Variants in PICALM observed in about 807,000 individuals in gnomAD.
PICALM encodes phosphatidylinositol-binding clathrin assembly protein.
Under a neutral mutation model 80.5 loss-of-function variants are expected in PICALM, and 40 were observed. The ratio of observed to expected loss-of-function variants is 0.50; its 90% CI spans 0.39 to 0.65. The LOEUF is 0.65. PICALM is among the 30% of genes least tolerant of loss of function. The probability of loss-of-function intolerance (pLI) is 0.00; values close to 1 mark genes in which losing one functional copy is unlikely to be tolerated. For synonymous variants in PICALM, 288 were observed against 260.3 expected (o/e 1.11, Z -1.02); for missense variants, 676 against 778.9 (o/e 0.87, Z 1.57).
intron 2 of PICALM, among the ~76,000 whole-genome samples, chr11:86,026,828 T>C (rs960410300): frequency 1.4e-4 from 21 of 152,210 alleles, no homozygotes; most frequent in African/African-American, 4.3e-4. Flanking sequence ...ACATCTTATA[T>C]AGAATCAAAA....
intron 1 of PICALM, among the ~76,000 whole-genome samples, chr11:86,065,445 A>C (rs2096433961): frequency 6.8e-6 from 1 of 147,116 alleles, no homozygotes; most frequent in African/African-American, 2.4e-5. Flanking sequence ...CCGTCTCAAA[A>C]AAAAAAAAAA....
intron 1 of PICALM, among the ~76,000 whole-genome samples, chr11:86,035,165 G>A (rs76550837): frequency 0.026 from 3,916 of 151,422 alleles, 86 homozygotes; most frequent in Admixed American, 0.072. Context: ...TTAGAACTAA[G>A]CAGTTACCAA....
intron 8 of PICALM, chr11:86,007,290 T>C (rs993112866): frequency 8.3e-6 from 2 of 240,388 alleles, no homozygotes; most frequent in Admixed American, 5.5e-5. Context: ...ACAATGATGA[T>C]GGGAAAGAAA....
At chr11:85,963,920 C>CTTTTT (rs10686143) in intron 19 of PICALM, among the ~76,000 whole-genome samples, 12,174 of 72,266 alleles carry the variant, frequency 0.17, 1,295 homozygotes, top group Non-Finnish European at 0.22. Flanking sequence ...CCACACCTGG[C>CTTTTT]TTTTTTTTTT....
intron 3 of PICALM, among the ~76,000 whole-genome samples, chr11:86,024,527 T>C (rs2095619217): frequency 6.6e-6 from 1 of 151,144 alleles, no homozygotes; most frequent in African/African-American, 2.4e-5. Context: ...ACTGAAACAG[T>C]CTCAGCATCT....
intron 13 of PICALM, among the ~76,000 whole-genome samples, 185 bp from the exon 14 acceptor site, chr11:85,984,158 CATCCTACTGACAAAATT>C (rs2094517080): frequency 6.6e-6 from 1 of 152,050 alleles, no homozygotes; most frequent in African/African-American, 2.4e-5. Flanking sequence ...CTAACAAAAT[CATCCTACTGACAAAATT>C]AACAAATGAG....
At chr11:86,008,272 A>G (rs1039575607) in intron 7 of PICALM, among the ~76,000 whole-genome samples, 1 of 152,186 alleles carries the variant, frequency 6.6e-6, no homozygotes, top group Admixed American at 6.5e-5. Flanking sequence ...TTTTCTAATC[A>G]GTCTCCCTTC....
At chr11:86,046,314 G>C (rs1167487160) in intron 1 of PICALM, among the ~76,000 whole-genome samples, 1 of 152,112 alleles carries the variant, frequency 6.6e-6, no homozygotes, top group African/African-American at 2.4e-5. Flanking sequence ...AATCAAATTC[G>C]AGATTCATGA....
chr11:85,973,611 G>A (rs888366669), intron 19 of PICALM, among the ~76,000 whole-genome samples: 2 of 151,962 alleles, frequency 1.3e-5, no homozygotes, highest in South Asian at 2.1e-4. Context: ...CCCATTTTCA[G>A]GCATCCACTG....
chr11:86,065,318 C>A (rs1341472208), intron 1 of PICALM, among the ~76,000 whole-genome samples: 4 of 151,854 alleles, frequency 2.6e-5, no homozygotes, highest in Admixed American at 6.6e-5. Flanking sequence ...TGGTGGCATG[C>A]GCCTGTAGTC....
At chr11:85,960,782 G>A (rs1275841015) in intron 19 of PICALM, 3 of 1,252,026 alleles carry the variant, frequency 2.4e-6, no homozygotes, top group South Asian at 2.7e-5. Flanking sequence ...CGACAGCTGG[G>A]GGAAAAGAAG....
chr11:86,068,075 C>G (rs971676839), intron 1 of PICALM, among the ~76,000 whole-genome samples: 1 of 152,118 alleles, frequency 6.6e-6, no homozygotes, highest in African/African-American at 2.4e-5. Flanking sequence ...AAAGGTAACC[C>G]AAAAGCAGGA....
chr11:86,041,450 T>A (rs1050194834), intron 1 of PICALM, among the ~76,000 whole-genome samples: 2 of 152,298 alleles, frequency 1.3e-5, no homozygotes, highest in Middle Eastern at 3.4e-3. Context: ...CAGAAGAGAT[T>A]TTTTAAAAGG....
At chr11:86,007,344 C>A (rs2136207375) in intron 8 of PICALM, 198 bp downstream of exon 8, 1 of 340,952 alleles carries the variant, frequency 2.9e-6, no homozygotes, top group Non-Finnish European at 5.6e-6. Context: ...AGTGGGTAGG[C>A]AACAAATATA....
At chr11:85,960,607 T>C (rs560200164) in intron 19 of PICALM, 1 of 618,570 alleles carries the variant, frequency 1.6e-6, no homozygotes, top group Non-Finnish European at 2.7e-6. Flanking sequence ...GAAGCGTGAA[T>C]TGTGTTTAAT....
chr11:86,004,357 A>C (rs2095230103), intron 8 of PICALM, among the ~76,000 whole-genome samples: 2 of 152,306 alleles, frequency 1.3e-5, no homozygotes, highest in Admixed American at 1.3e-4. Flanking sequence ...AACCAACAAA[A>C]TTATGCTATT....
chr11:86,051,462 A>C (rs1226849332), intron 1 of PICALM, among the ~76,000 whole-genome samples: 1 of 152,072 alleles, frequency 6.6e-6, no homozygotes, highest in Non-Finnish European at 1.5e-5. Context: ...GGAGTTCCTG[A>C]CCAGTCTGGC....
chr11:86,056,143 A>AAAAAG (rs1565580995), intron 1 of PICALM, among the ~76,000 whole-genome samples: 2 of 143,792 alleles, frequency 1.4e-5, no homozygotes, highest in Admixed American at 7.2e-5. Context: ...TTTAAAAAAA[A>AAAAAG]AAAAAAAGAA....
chr11:86,069,216 G>A (rs1188276717), upstream of PICALM: 2 of 183,706 alleles, frequency 1.1e-5, no homozygotes, highest in African/African-American at 2.4e-5. Flanking sequence ...CGCTCAGCGA[G>A]GGAAGAGCTG....
Sources: allele counts gnomAD v4.1 joint callset (sites outside exome capture counted in the v4.1 genomes callset), GRCh38; gene constraint gnomAD v4.1.1; transcripts MANE v1.5; gene names NCBI Gene and HGNC (gene_info 2026-07-23, HGNC 2026-07-21).